PKHD1: variants seen among roughly 807,000 people sequenced by gnomAD.
PKHD1 encodes the protein fibrocystin.
PKHD1 carries 291 observed loss-of-function variants against 412.0 expected under a neutral mutation model. That is an observed-to-expected ratio of 0.71 (90% CI 0.64 to 0.78). The LOEUF (loss-of-function observed/expected upper bound fraction) is 0.78. Ranked by LOEUF, PKHD1 falls within the 30% of genes least tolerant of loss-of-function variation. The probability of loss-of-function intolerance (pLI) is 0.00; values close to 1 mark genes in which losing one functional copy is unlikely to be tolerated. For synonymous variants in PKHD1, 1,777 were observed against 1,821.5 expected, an observed-to-expected ratio of 0.98 and a Z score of 0.62; for missense variants, 4,825 against 4,950.7, an observed-to-expected ratio of 0.97 and a Z score of 0.76.
chr6:51,630,885 T>C (rs1404649129), intron 65 of PKHD1, among the ~76,000 whole-genome samples: 1 of 151,950 alleles, frequency 6.6e-6, no homozygotes, highest in Non-Finnish European at 1.5e-5. Flanking sequence ...TAGTTAGGAG[T>C]CTGTGCCCAG....
chr6:51,758,207 T>C (rs1354196879), intron 55 of PKHD1, among the ~76,000 whole-genome samples: 1 of 152,168 alleles, frequency 6.6e-6, no homozygotes, highest in Non-Finnish European at 1.5e-5. Context: ...ACCTTATGAG[T>C]TCATTAAAAT....
At chr6:51,803,829 C>T (rs1469957835) in intron 52 of PKHD1, among the ~76,000 whole-genome samples, 1 of 151,366 alleles carries the variant, frequency 6.6e-6, no homozygotes, top group Non-Finnish European at 1.5e-5. Context: ...GCCTCAGCTT[C>T]CCTAGTAGCT....
chr6:51,872,924 C>A (rs1776228537), intron 46 of PKHD1, among the ~76,000 whole-genome samples: 1 of 95,512 alleles, frequency 1.0e-5, no homozygotes, highest in Non-Finnish European at 1.9e-5. Flanking sequence ...AGGGTATGTT[C>A]AAACAAAATG....
At chr6:52,087,183 C>A (rs1812917679) in intron 1 of PKHD1, among the ~76,000 whole-genome samples, 1 of 152,126 alleles carries the variant, frequency 6.6e-6, no homozygotes, top group Non-Finnish European at 1.5e-5. Flanking sequence ...AATTTTTCAA[C>A]CACAGAGGAG....
intron 18 of PKHD1, 55 bp downstream of exon 18, chr6:52,056,643 G>A (rs889068545): frequency 1.6e-6 from 2 of 1,252,254 alleles, no homozygotes; most frequent in African/African-American, 2.9e-5. Context: ...TCATTTTATA[G>A]AAAGAAAGAA....
intron 60 of PKHD1, among the ~76,000 whole-genome samples, chr6:51,739,759 C>G (rs1784329858): frequency 6.6e-6 from 1 of 152,124 alleles, no homozygotes; most frequent in Non-Finnish European, 1.5e-5. Context: ...TCATGCAATG[C>G]TAGTTTTCAT....
intron 52 of PKHD1, among the ~76,000 whole-genome samples, chr6:51,826,156 T>C (rs1360682324): frequency 6.6e-5 from 10 of 152,192 alleles, no homozygotes; most frequent in Non-Finnish European, 1.5e-4. Flanking sequence ...CAACCTATTA[T>C]GATCTTTTGC....
chr6:51,843,269 G>A (rs1770555542), intron 50 of PKHD1, among the ~76,000 whole-genome samples: 1 of 152,170 alleles, frequency 6.6e-6, no homozygotes. Context: ...GCAATAAATA[G>A]AGAGTGGGGT....
At chr6:51,833,362 T>C (rs555359131) in intron 51 of PKHD1, among the ~76,000 whole-genome samples, 66 of 152,312 alleles carry the variant, frequency 4.3e-4, no homozygotes, top group African/African-American at 1.6e-3. Flanking sequence ...ATGTACAAAT[T>C]TAATTATTCT....
At chr6:51,815,170 T>A (rs1765251445) in intron 52 of PKHD1, among the ~76,000 whole-genome samples, 1 of 152,228 alleles carries the variant, frequency 6.6e-6, no homozygotes, top group Non-Finnish European at 1.5e-5. Context: ...AGTGACTGCA[T>A]CTCACTCTTT....
chr6:51,792,712 G>A (rs1380146570), intron 52 of PKHD1, among the ~76,000 whole-genome samples: 1 of 152,146 alleles, frequency 6.6e-6, no homozygotes, highest in Non-Finnish European at 1.5e-5. Context: ...CTCTCAGTTA[G>A]ATGTAGAGCA....
intron 60 of PKHD1, among the ~76,000 whole-genome samples, chr6:51,718,990 GA>G (rs1377416493): frequency 6.6e-6 from 1 of 152,012 alleles, no homozygotes; most frequent in Non-Finnish European, 1.5e-5. Flanking sequence ...ATTTAATTCA[GA>G]ATATAGTCCA....
chr6:51,885,779 G>T, intron 45 of PKHD1, 88 bp downstream of exon 45: 1 of 841,748 alleles, frequency 1.2e-6, no homozygotes, highest in Non-Finnish European at 2.0e-6. Context: ...CATTTAAGTA[G>T]ATATGCATAA....
intron 52 of PKHD1, among the ~76,000 whole-genome samples, chr6:51,793,154 G>C (rs1217355951): frequency 1.3e-5 from 2 of 152,232 alleles, no homozygotes; most frequent in South Asian, 2.1e-4. Flanking sequence ...GAATGATCAA[G>C]CTAAACAGAC....
Position 51,659,032 on chromosome 6 carries a change from C to T in PKHD1, c.11094G>A (p.Gln3698=). The T allele has an allele frequency of 6.2e-7, 1 of 1,613,022 alleles. No individual in the cohort carries two copies. Among genetic ancestry groups the T allele is most frequent in the South Asian group, 1.1e-5 (1 of 91,056 alleles). ...TCAGAACATTCTCTAGTACCCCAGT[C>T]TGTTGAGCAGTGATGACTCGATGAG... is the stretch of plus-strand genomic sequence containing the variant. ...NLAHRVITAQ[Q]TGVLENVLNM... Residue 3698 remains glutamine, a synonymous_variant, in exon 61 of 67, where the codon CAG becomes CAA. Coordinates refer to ENST00000371117, the MANE Select transcript of PKHD1 (RefSeq NM_138694.4).
At chr6:52,005,335 C>T (rs1005106370) in intron 35 of PKHD1, among the ~76,000 whole-genome samples, 13 of 152,184 alleles carry the variant, frequency 8.5e-5, no homozygotes, top group African/African-American at 3.1e-4. Context: ...TTACTTGTCA[C>T]CTGCTGAATC....
chr6:51,756,304 T>C (rs1252295737), intron 55 of PKHD1, among the ~76,000 whole-genome samples: 1 of 152,102 alleles, frequency 6.6e-6, no homozygotes, highest in Non-Finnish European at 1.5e-5. Flanking sequence ...AAGTTCCAAA[T>C]AGATTTAAAT....
Position 51,655,004 on chromosome 6 carries a change from C to G in PKHD1, c.11174+3948G>C, listed in dbSNP as rs142335302. Among the ~76,000 whole-genome samples, 21 of 152,210 alleles carry G rather than the reference C, an allele frequency of 1.4e-4. No homozygotes were observed. In the East Asian group the frequency reaches 3.7e-3, roughly 27 times the overall value. ...AAGCTTGCTTACGTAGAACATCTCACTTTCCCACAAAGCCACACATATGAA... is the reference window on the plus strand; with the variant it reads ...AAGCTTGCTTACGTAGAACATCTCAGTTTCCCACAAAGCCACACATATGAA... On this transcript the variant is annotated intron_variant, in intron 61 of 66. Transcript: ENST00000371117.
intron 60 of PKHD1, among the ~76,000 whole-genome samples, chr6:51,674,804 A>C (rs1775576921): frequency 6.6e-6 from 1 of 152,154 alleles, no homozygotes; most frequent in African/African-American, 2.4e-5. Context: ...GCAAGAGTCC[A>C]TTTGCTGTGT....
Sources: gnomAD v4.1 joint callset for allele counts (sites outside exome capture counted in the v4.1 genomes callset) on GRCh38, gnomAD v4.1.1 for gene constraint, MANE v1.5 for transcripts, NCBI Gene and HGNC (gene_info 2026-07-23, HGNC 2026-07-21) for gene names.